CNTNAP5: variants seen among roughly 807,000 people sequenced by gnomAD.
CNTNAP5 encodes the protein contactin associated protein family member 5, also known as contactin-associated protein-like 5.
Under a neutral mutation model 150.2 loss-of-function variants are expected in CNTNAP5, and 72 were observed. That is an observed-to-expected ratio of 0.48 (90% confidence interval 0.40 to 0.58). CNTNAP5 has a LOEUF of 0.58. Among genes scored for constraint, CNTNAP5 ranks in the 20% least tolerant of loss-of-function variants. CNTNAP5 has a pLI of 0.00. For missense variants in CNTNAP5, 1,636 were observed against 1,626.2 expected (o/e 1.01, Z -0.10); for synonymous variants, 672 against 619.8 (o/e 1.08, Z -1.25).
intron 11 of CNTNAP5, among the ~76,000 whole-genome samples, chr2:124,578,577 C>T (rs1239528607): frequency 6.6e-6 from 1 of 152,014 alleles, no homozygotes; most frequent in Non-Finnish European, 1.5e-5. Flanking sequence ...TTGAGACCAG[C>T]TTGGGCAATA....
At position 124,798,271 on chromosome 2, in the gene CNTNAP5, T is replaced by C. The variant is rs1281506372; in HGVS notation, c.3168T>C (p.Phe1056=). The part of the protein sequence containing the change: ...VTTQAPSLLL[F]INSSSQDFVV... Reference sequence around the variant, plus strand: ...CCCAGGCACCCAGTCTTTTGCTCTTTATCAATTCTTCTTCTCAGGACTTCG... The same window carrying C: ...CCCAGGCACCCAGTCTTTTGCTCTTCATCAATTCTTCTTCTCAGGACTTCG... The change falls in exon 19 of 24, where the codon TTT becomes TTC. Residue 1056 remains phenylalanine, a synonymous_variant. Coordinates refer to ENST00000682447, the MANE Select transcript of CNTNAP5 (RefSeq NM_001367498.1). The C allele has an allele frequency of 2.5e-6, 4 of 1,613,836 alleles. No individual in the cohort carries two copies. The African/African-American group carries it at 5.3e-5, about 22-fold the overall frequency.
chr2:124,521,972 G>C (rs1423225968), intron 8 of CNTNAP5, among the ~76,000 whole-genome samples: 1 of 152,130 alleles, frequency 6.6e-6, no homozygotes, highest in African/African-American at 2.4e-5. Flanking sequence ...AAGCCTCTGG[G>C]TTCTCTTCTT....
At chr2:124,609,983 A>G in intron 12 of CNTNAP5, 63 bp downstream of exon 12, 1 of 1,536,404 alleles carries the variant, frequency 6.5e-7, no homozygotes, top group Non-Finnish European at 8.9e-7. Flanking sequence ...AGCAAAAATA[A>G]ATTCACTGGA....
chr2:124,383,904 A>G (rs1221226799), intron 3 of CNTNAP5, among the ~76,000 whole-genome samples: 1 of 152,164 alleles, frequency 6.6e-6, no homozygotes, highest in African/African-American at 2.4e-5. Context: ...TCTTCATGCA[A>G]TTTTAATCAA....
chr2:124,177,264 C>A (rs1464201139), intron 1 of CNTNAP5, among the ~76,000 whole-genome samples: 1 of 151,990 alleles, frequency 6.6e-6, no homozygotes, highest in Non-Finnish European at 1.5e-5. Flanking sequence ...TGTGGCTAGC[C>A]CCAGGGGAGA....
At chr2:124,464,486 C>T (rs1330243056) in intron 6 of CNTNAP5, among the ~76,000 whole-genome samples, 1 of 151,992 alleles carries the variant, frequency 6.6e-6, no homozygotes, top group Non-Finnish European at 1.5e-5. Flanking sequence ...GCTCCAAAGT[C>T]GAAGCAAAAA....
At chr2:124,597,149 G>A (rs1239301840) in intron 11 of CNTNAP5, among the ~76,000 whole-genome samples, 1 of 148,528 alleles carries the variant, frequency 6.7e-6, no homozygotes, top group Non-Finnish European at 1.5e-5. Context: ...TACATTTAAA[G>A]TTAATATTGT....
intron 3 of CNTNAP5, among the ~76,000 whole-genome samples, chr2:124,391,313 A>G (rs1359199820): frequency 6.6e-6 from 1 of 152,172 alleles, no homozygotes; most frequent in East Asian, 1.9e-4. Context: ...AAGTATTTAG[A>G]TATGCTAATT....
chr2:124,122,395 C>T (rs1456893591), intron 1 of CNTNAP5, among the ~76,000 whole-genome samples: 1 of 152,156 alleles, frequency 6.6e-6, no homozygotes, highest in Non-Finnish European at 1.5e-5. Context: ...AAAATTGTTT[C>T]TATTTATCAG....
intron 1 of CNTNAP5, among the ~76,000 whole-genome samples, chr2:124,067,512 C>T (rs1682190783): frequency 6.6e-6 from 1 of 152,122 alleles, no homozygotes; most frequent in Non-Finnish European, 1.5e-5. Context: ...CCTTTAGATC[C>T]CCACAGATAA....
At chr2:124,482,512 G>GA (rs1191538520) in intron 7 of CNTNAP5, among the ~76,000 whole-genome samples, 2 of 151,900 alleles carry the variant, frequency 1.3e-5, no homozygotes, top group East Asian at 3.9e-4. Flanking sequence ...TCAAAGTGAA[G>GA]AAAAAAATAA....
At chr2:124,278,733 T>A (rs1202857039) in intron 3 of CNTNAP5, among the ~76,000 whole-genome samples, 1 of 152,190 alleles carries the variant, frequency 6.6e-6, no homozygotes. Flanking sequence ...TGCATACATA[T>A]TGAGTTACAT....
chr2:124,420,295 C>T (rs1366311044), intron 4 of CNTNAP5, among the ~76,000 whole-genome samples: 8 of 151,800 alleles, frequency 5.3e-5, no homozygotes, highest in East Asian at 1.9e-4. Flanking sequence ...AAGTTTGACT[C>T]GATTGTTTCT....
At chr2:124,275,865 A>G (rs1001028154) in intron 3 of CNTNAP5, among the ~76,000 whole-genome samples, 2 of 152,128 alleles carry the variant, frequency 1.3e-5, no homozygotes, top group African/African-American at 2.4e-5. Context: ...AAGTGACCCA[A>G]TGAGAACAAC....
At chr2:124,347,944 C>G (rs776767858) in intron 3 of CNTNAP5, among the ~76,000 whole-genome samples, 4 of 151,994 alleles carry the variant, frequency 2.6e-5, no homozygotes, top group Non-Finnish European at 4.4e-5. Flanking sequence ...TCTGCCTCAG[C>G]CTCCCGAGTA....
rs1295957208 is a variant in CNTNAP5 at position 124,417,541 on chromosome 2, T to A, written c.480T>A (p.Asn160Lys). 1 of 1,613,776 alleles carries A rather than the reference T, an allele frequency of 6.2e-7. No individual in the cohort carries two copies. The highest frequency in any genetic ancestry group is 8.5e-7 in the Non-Finnish European group (1 of 1,179,802). ...RFVRFVPLEWNPSGKIGMRVE... is the reference protein window; with the variant it reads ...RFVRFVPLEWKPSGKIGMRVE... ...TTCGCTTTGTGCCCCTGGAATGGAA[T>A]CCCAGTGGGAAGATTGGCATGAGAG... Residue 160 changes from asparagine to lysine, a missense_variant, in exon 4 of 24, where the codon AAT (asparagine) becomes AAA (lysine). Asn to Lys is a moderately conservative substitution (Grantham distance 94). Transcript: ENST00000682447.
At chr2:124,423,499 G>A (rs1692162300) in intron 4 of CNTNAP5, among the ~76,000 whole-genome samples, 1 of 151,902 alleles carries the variant, frequency 6.6e-6, no homozygotes, top group African/African-American at 2.4e-5. Context: ...AATATGGGAA[G>A]CTAATTAACT....
intron 3 of CNTNAP5, among the ~76,000 whole-genome samples, chr2:124,357,398 T>A (rs985500364): frequency 2.0e-5 from 3 of 151,988 alleles, no homozygotes; most frequent in Non-Finnish European, 4.4e-5. Flanking sequence ...ATGTCCTGAA[T>A]GGTAATGCCT....
chr2:124,472,700 T>C (rs1393065311), intron 6 of CNTNAP5, among the ~76,000 whole-genome samples: 5 of 151,974 alleles, frequency 3.3e-5, no homozygotes, highest in Non-Finnish European at 7.4e-5. Context: ...TTGTAGTACA[T>C]ATAAAAGATA....
Sources: allele counts gnomAD v4.1 joint callset (sites outside exome capture counted in the v4.1 genomes callset), GRCh38; gene constraint gnomAD v4.1.1; transcripts MANE v1.5; gene names NCBI Gene and HGNC (gene_info 2026-07-23, HGNC 2026-07-21).